REEP6: variants seen among roughly 807,000 people sequenced by gnomAD.
The protein encoded by REEP6 is receptor expression-enhancing protein 6.
In REEP6, 19 loss-of-function variants were observed where a neutral mutation model predicts 22.4. The observed-to-expected ratio is 0.85, with a 90% confidence interval of 0.59 to 1.25. REEP6 has a LOEUF of 1.25. Ranked by LOEUF, REEP6 falls within the 50% of genes most tolerant of loss-of-function variation. The pLI is 0.00. For missense variants in REEP6, 273 were observed against 251.9 expected, an observed-to-expected ratio of 1.08 and a Z score of -0.57; for synonymous variants, 121 against 113.6, an observed-to-expected ratio of 1.06 and a Z score of -0.41.
Position 1,491,347 on chromosome 19 carries a change from G to A in REEP6, c.78G>A (p.Glu26=). The A allele has an allele frequency of 6.1e-6, 9 of 1,478,608 alleles. 1 individual carries two copies. The South Asian group carries it at 9.3e-5, about 15-fold the overall frequency. The allele number at this position is 1,478,608 out of a possible 1,614,324, so 91.6% of individuals were successfully genotyped here. ...NLVTEVLGAL[E]AKTGVEKRYL... is the part of the protein sequence containing the mutation. ...TCACCGAAGTGCTGGGGGCGCTGGA[G>A]GCCAAGACCGGGGTGGAGAAGCGGT... The change falls in exon 1 of 5, where the codon GAG becomes GAA. Residue 26 remains glutamate (E), a synonymous_variant. Coordinates refer to ENST00000233596, the MANE Select transcript of REEP6 (RefSeq NM_138393.4). This position sits in a 1 kb window ranked among gnomAD's most constrained non-coding sequence, Gnocchi z 5.4.
chr19:1,497,900 G>A lies in REEP6; in HGVS notation c.*689G>A. 4.4e-6 allele frequency: 2 copies of A among 456,696 alleles called. No individual in the cohort carries two copies. The highest frequency in any genetic ancestry group is 9.2e-6 in the Non-Finnish European group (2 of 217,662). 28.3% of individuals were successfully genotyped at this position (456,696 alleles called of 1,614,324 possible). On this transcript the variant is annotated 3_prime_UTR_variant, in exon 5 of 5. Coordinates refer to ENST00000233596, the MANE Select transcript of REEP6 (RefSeq NM_138393.4). This position sits in a 1 kb window ranked among gnomAD's most constrained non-coding sequence, Gnocchi z 6.5. ...GCCTGAAACACCTGGCCTGCTAGGA[G>A]GCTCCAATAAAGCTAACCCGGACCA...
chr19:1,496,715 TGTGC>T lies in REEP6; in HGVS notation c.517+264_517+267del, dbSNP rs762514005. On this transcript the variant is annotated intron_variant, in intron 4 of 4. Transcript: ENST00000233596. Reference sequence around the variant, plus strand: ...GAGATAGGAGCTGTGTGTGTGTGTGTGTGCGCGCGCGCGCGCGTGTGTTTGAGCG... The same window carrying T: ...GAGATAGGAGCTGTGTGTGTGTGTGTGCGCGCGCGCGCGTGTGTTTGAGCG... The T allele has an allele frequency of 3.2e-3, 1,988 of 625,078 alleles. 8 individuals carry two copies. The highest frequency in any genetic ancestry group is 0.016 in the South Asian group (958 of 60,870). The allele number at this position is 625,078 out of a possible 1,614,324, so 38.7% of individuals were successfully genotyped here.
At chr19:1,496,665 G>A in intron 4 of REEP6, 1 of 734,656 alleles carries the variant, frequency 1.4e-6, no homozygotes, top group Non-Finnish European at 2.5e-6. Flanking sequence ...TCCCCTGGAA[G>A]CTGACCGTAC....
chr19:1,496,586 A>G lies in REEP6; in HGVS notation c.517+133A>G, dbSNP rs1020914572. ...GCCTCTCTCTCTCACGCTTCCGGGA[A>G]CCAGTCTTGCAGGTCCTGGCCCGTA... On this transcript the variant is annotated intron_variant, in intron 4 of 4. Coordinates refer to ENST00000233596, the MANE Select transcript of REEP6 (RefSeq NM_138393.4). The G allele has an allele frequency of 4.2e-6, 5 of 1,178,164 alleles. No individual in the cohort carries two copies. In the African/African-American group the frequency reaches 7.7e-5, roughly 18 times the overall value. 73.0% of individuals were successfully genotyped at this position (1,178,164 alleles called of 1,614,324 possible). A position where few individuals can be genotyped will look rare whatever the true frequency, so the allele number is the denominator to read the frequency against.
rs768240759 is a variant in REEP6, at chr19:1,495,581, T to C, written c.322T>C (p.Trp108Arg). 18 of 1,613,958 alleles carry C rather than the reference T, an allele frequency of 1.1e-5. No homozygotes were observed. In the Admixed American group the frequency reaches 2.8e-4, roughly 25 times the overall value. ...GTTCTTCAGCGATCTACTCCTGTCC[T>C]GGTTCCCTTTCTACTACGTGGGCAA... ...AEFFSDLLLS[W>R]FPFYYVGKCA... The change falls in exon 3 of 5, where the codon TGG becomes CGG. Residue 108 changes from tryptophan to arginine, a missense_variant. Coordinates refer to ENST00000233596, the MANE Select transcript of REEP6 (RefSeq NM_138393.4).
Position 1,497,574 on chromosome 19 carries a change from G to GGT in REEP6, c.*364_*365insTG, listed in dbSNP as rs2085020481. 1.8e-6 allele frequency: 1 copy of GGT among 560,580 alleles called. No individual in the cohort carries two copies. Among genetic ancestry groups the GGT allele is most frequent in the Non-Finnish European group, 3.5e-6 (1 of 284,772 alleles). 34.7% of individuals were successfully genotyped at this position (560,580 alleles called of 1,614,324 possible). ...CTCCCAGTCAGCCCTCCCGTCCTCGGGGCCCCTGCAGCCACCCAACGTCAC... is the reference window on the plus strand; with the variant it reads ...CTCCCAGTCAGCCCTCCCGTCCTCGGGTGGCCCCTGCAGCCACCCAACGTCAC... On this transcript the variant is annotated 3_prime_UTR_variant, in exon 5 of 5. Transcript: ENST00000233596. The surrounding 1 kb of genome is among the most constrained non-coding windows in gnomAD (Gnocchi z 6.5).
At chr19:1,496,612 G>A in intron 4 of REEP6, 159 bp downstream of exon 4, 1 of 974,992 alleles carries the variant, frequency 1.0e-6, no homozygotes, top group Non-Finnish European at 1.6e-6. Context: ...CTGGCCCGTA[G>A]CCGGGCAGGC....
At chr19:1,493,393 G>A (rs2084981994) in intron 1 of REEP6, among the ~76,000 whole-genome samples, 1 of 152,090 alleles carries the variant, frequency 6.6e-6, no homozygotes, top group South Asian at 2.1e-4. Context: ...TCCTACCCCT[G>A]ACCTTGGGTG....
Position 1,497,485 on chromosome 19 carries a change from G to A in REEP6, c.*274G>A, listed in dbSNP as rs981210825. On this transcript the variant is annotated 3_prime_UTR_variant, in exon 5 of 5. Coordinates refer to ENST00000233596, the MANE Select transcript of REEP6 (RefSeq NM_138393.4). The surrounding 1 kb of genome is among the most constrained non-coding windows in gnomAD (Gnocchi z 6.5). ...TCCGGCAGGGCCCAGGGCCAGCGTC[G>A]GGCACAGGGCAGCTCCCACTGGTCT... is the stretch of plus-strand genomic sequence containing the variant. The A allele has an allele frequency of 8.7e-6, 6 of 688,704 alleles. No individual in the cohort carries two copies. Among genetic ancestry groups the A allele is most frequent in the East Asian group, 5.7e-5 (2 of 35,156 alleles). The allele number at this position is 688,704 out of a possible 1,614,324, so 42.7% of individuals were successfully genotyped here. A position where few individuals can be genotyped will look rare whatever the true frequency, so the allele number is the denominator to read the frequency against.
At chr19:1,492,736 T>TTCC (rs113078545) in intron 1 of REEP6, among the ~76,000 whole-genome samples, 1 of 151,770 alleles carries the variant, frequency 6.6e-6, no homozygotes, top group African/African-American at 2.4e-5. Flanking sequence ...GGAGTCCAGT[T>TTCC]CCCCCCCAAT....
At chr19:1,494,387 C>T (rs2145476454) in intron 1 of REEP6, among the ~76,000 whole-genome samples, 1 of 152,282 alleles carries the variant, frequency 6.6e-6, no homozygotes, top group East Asian at 1.9e-4. Flanking sequence ...GACTTGGGGG[C>T]TGATGGCATG....
chr19:1,493,513 G>C (rs957713866), intron 1 of REEP6, among the ~76,000 whole-genome samples: 1 of 152,180 alleles, frequency 6.6e-6, no homozygotes, highest in South Asian at 2.1e-4. Flanking sequence ...CCCCAGGGGA[G>C]GAGGAAGAAG....
Position 1,497,345 on chromosome 19 carries a change from C to G in REEP6, c.*134C>G. Reference sequence around the variant, plus strand: ...CCAGTCCCTCGGGTCCAGGCAAGGCCCTGGGGGTCTCCTTAAATGCCACCT... The same window carrying G: ...CCAGTCCCTCGGGTCCAGGCAAGGCGCTGGGGGTCTCCTTAAATGCCACCT... On this transcript the variant is annotated 3_prime_UTR_variant, in exon 5 of 5. Transcript: ENST00000233596. This position sits in a 1 kb window ranked among gnomAD's most constrained non-coding sequence, Gnocchi z 6.5. 1 of 854,432 alleles carries G rather than the reference C, an allele frequency of 1.2e-6. No homozygotes were observed. The highest frequency in any genetic ancestry group is 2.0e-6 in the Non-Finnish European group (1 of 510,878). The allele number at this position is 854,432 out of a possible 1,614,324, so 52.9% of individuals were successfully genotyped here.
At chr19:1,495,179 G>A (rs73516843) in intron 1 of REEP6, 115 bp from the exon 2 acceptor site, 4 of 926,450 alleles carry the variant, frequency 4.3e-6, no homozygotes, top group African/African-American at 1.6e-5. Flanking sequence ...TCCTGGAGGC[G>A]GCTCCTGGGA....
rs531198931 is a variant in REEP6 at position 1,496,005 on chromosome 19, A to C, written c.349-280A>C. 16 of 539,118 alleles carry C rather than the reference A, an allele frequency of 3.0e-5. No individual in the cohort carries two copies. The African/African-American group carries it at 3.1e-4, about 10-fold the overall frequency. The allele number at this position is 539,118 out of a possible 1,614,324, so 33.4% of individuals were successfully genotyped here. A position where few individuals can be genotyped will look rare whatever the true frequency, so the allele number is the denominator to read the frequency against. On this transcript the variant is annotated intron_variant, in intron 3 of 4. Coordinates refer to ENST00000233596, the MANE Select transcript of REEP6 (RefSeq NM_138393.4). ...TTATTCCAATAATATGTCTGATGGC[A>C]CAGGGCCCACCCCTAAAGTGTGTCT...
rs866050870 is a variant in REEP6, at chr19:1,491,216, G to T, written c.-54G>T. 3 of 1,269,156 alleles carry T rather than the reference G, an allele frequency of 2.4e-6. No homozygotes were observed. The South Asian group carries it at 4.6e-5, about 20-fold the overall frequency. 78.6% of individuals were successfully genotyped at this position (1,269,156 alleles called of 1,614,324 possible). ...AAAGCGGTGCGCGTGCAGCGGGGTGGGTGCCCTGGTCCGCGGGCGAGCTCG... is the reference window on the plus strand; with the variant it reads ...AAAGCGGTGCGCGTGCAGCGGGGTGTGTGCCCTGGTCCGCGGGCGAGCTCG... On this transcript the variant is annotated 5_prime_UTR_variant, in exon 1 of 5. Coordinates refer to ENST00000233596, the MANE Select transcript of REEP6 (RefSeq NM_138393.4). The surrounding 1 kb of genome is among the most constrained non-coding windows in gnomAD (Gnocchi z 5.4).
At chr19:1,496,715 TGTGCGC>T (rs771833397) in intron 4 of REEP6, 3 of 637,170 alleles carry the variant, frequency 4.7e-6, no homozygotes, top group Non-Finnish European at 5.8e-6. Context: ...TGTGTGTGTG[TGTGCGC>T]GCGCGCGCGC....
chr19:1,491,444 G>A lies in REEP6; in HGVS notation c.115+60G>A. 4 of 1,188,426 alleles carry A rather than the reference G, an allele frequency of 3.4e-6. No homozygotes were observed. Among genetic ancestry groups the A allele is most frequent in the African/African-American group, 1.6e-5 (1 of 61,906 alleles). 73.6% of individuals were successfully genotyped at this position (1,188,426 alleles called of 1,614,324 possible). On this transcript the variant is annotated intron_variant, in intron 1 of 4. Transcript: ENST00000233596. The surrounding 1 kb of genome is among the most constrained non-coding windows in gnomAD (Gnocchi z 5.4). ...GCACACCGAGGCCATGGGCCTGGGG[G>A]TCGCAGACCGGACTCCTTCCCCGGC...
At chr19:1,494,421 T>A (rs571492103) in intron 1 of REEP6, among the ~76,000 whole-genome samples, 2 of 152,312 alleles carry the variant, frequency 1.3e-5, no homozygotes, top group Non-Finnish European at 2.9e-5. Context: ...CCAGGGACAC[T>A]GCTCAGCACC....
Sources: allele counts gnomAD v4.1 joint callset (sites outside exome capture counted in the v4.1 genomes callset), GRCh38; gene constraint gnomAD v4.1.1; non-coding constraint Gnocchi (gnomAD v3.1); transcripts MANE v1.5; gene names NCBI Gene and HGNC (gene_info 2026-07-23, HGNC 2026-07-21).